The following ZYX variants were observed in gnomAD, a reference collection of about 807,000 sequenced individuals.
ZYX encodes the protein zyxin-2.
In ZYX, 37 loss-of-function variants were observed where a neutral mutation model predicts 58.1. That is an observed-to-expected ratio of 0.64 (90% CI 0.49 to 0.84). The LOEUF (loss-of-function observed/expected upper bound fraction) is 0.84, where lower values mean the gene tolerates loss of function less well. Among genes scored for constraint, ZYX ranks in the 40% least tolerant of loss-of-function variants. The probability of loss-of-function intolerance (pLI) is 0.00; values close to 1 mark genes in which losing one functional copy is unlikely to be tolerated. For synonymous variants in ZYX, 324 were observed against 321.1 expected (o/e 1.01, Z -0.10); for missense variants, 762 against 761.6 (o/e 1.00, Z -0.01).
intron 5 of ZYX, 76 bp downstream of exon 5, chr7:143,383,398 A>C (rs1045677899): frequency 1.3e-6 from 2 of 1,490,766 alleles, no homozygotes; most frequent in Non-Finnish European, 1.8e-6. Flanking sequence ...GAGCATAAGC[A>C]TAAGGTGATT....
intron 5 of ZYX, among the ~76,000 whole-genome samples, chr7:143,385,516 G>GTGTGCA (rs1804825426): frequency 6.6e-6 from 1 of 151,498 alleles, no homozygotes. Context: ...GAGTGAAGGT[G>GTGTGCA]TGTGCATGTG....
rs1249129431 is a variant in ZYX, at chr7:143,390,507, A to C, written c.1615-71A>C. The C allele has an allele frequency of 4.4e-6, 5 of 1,131,462 alleles. No homozygotes were observed. The Admixed American group carries it at 1.0e-4, about 23-fold the overall frequency. The allele number at this position is 1,131,462 out of a possible 1,614,324, so 70.1% of individuals were successfully genotyped here. On this transcript the variant is annotated intron_variant, in intron 9 of 9. Transcript: ENST00000322764. This position sits in a 1 kb window ranked among gnomAD's most constrained non-coding sequence, Gnocchi z 4.3. ...CTTTCTAATTCCAAGATGGAGCTGG[A>C]TGGGGTGGGGTAGGGTGGAGCAGAG...
chr7:143,389,029 C>A lies in ZYX; in HGVS notation c.1493+84C>A. 1.7e-5 allele frequency: 25 copies of A among 1,465,786 alleles called. No individual in the cohort carries two copies. The highest frequency in any genetic ancestry group is 2.2e-5 in the Non-Finnish European group (24 of 1,089,148). 90.8% of individuals were successfully genotyped at this position (1,465,786 alleles called of 1,614,324 possible). A position where few individuals can be genotyped will look rare whatever the true frequency, so the allele number is the denominator to read the frequency against. Reference sequence around the variant, plus strand: ...GCTTGCTACCCTAGCCTCAGGACAGCCCCAAACCCCTGGTGGTGTTTTCTG... The same window carrying A: ...GCTTGCTACCCTAGCCTCAGGACAGACCCAAACCCCTGGTGGTGTTTTCTG... On this transcript the variant is annotated intron_variant, in intron 8 of 9. Transcript: ENST00000322764. The surrounding 1 kb of genome is among the most constrained non-coding windows in gnomAD (Gnocchi z 5.6).
Position 143,388,194 on chromosome 7 carries a change from T to A in ZYX, c.1024-25T>A. 6.3e-7 allele frequency: 1 copy of A among 1,575,296 alleles called. No individual in the cohort carries two copies. The highest frequency in any genetic ancestry group is 8.6e-7 in the Non-Finnish European group (1 of 1,160,724). Reference sequence around the variant, plus strand: ...TCTTGGAGGCAGCAGCCCTCTAGAGTGTGAGGAAAATGTTGGGATTGCAGG... The same window carrying A: ...TCTTGGAGGCAGCAGCCCTCTAGAGAGTGAGGAAAATGTTGGGATTGCAGG... On this transcript the variant is annotated intron_variant, in intron 5 of 9. Coordinates refer to ENST00000322764, the MANE Select transcript of ZYX (RefSeq NM_003461.5). The surrounding 1 kb of genome is among the most constrained non-coding windows in gnomAD (Gnocchi z 7.5).
At chr7:143,381,823 G>A (rs1300511991) in intron 2 of ZYX, 44 bp downstream of exon 2, 8 of 1,473,960 alleles carry the variant, frequency 5.4e-6, no homozygotes, top group Non-Finnish European at 7.2e-6. Flanking sequence ...AGGAGCCGGG[G>A]TGGGGGGCAG....
chr7:143,382,467 G>A lies in ZYX; in HGVS notation c.408+20G>A, dbSNP rs371523052. The A allele has an allele frequency of 6.3e-6, 10 of 1,596,006 alleles. No individual in the cohort carries two copies. In the African/African-American group the frequency reaches 1.3e-4, roughly 21 times the overall value. On this transcript the variant is annotated intron_variant, in intron 3 of 9. Transcript: ENST00000322764. ...CCACAGGTACGGAGGCCTGGGAGGG[G>A]CGGCTGCACTGGACACCCCCAAGGA...
chr7:143,383,345 G>A (rs925321532), intron 5 of ZYX, 23 bp downstream of exon 5: 2 of 1,572,754 alleles, frequency 1.3e-6, no homozygotes, highest in Non-Finnish European at 1.7e-6. Context: ...GATAGGACAA[G>A]GCTTGGTACC....
intron 4 of ZYX, 23 bp from the exon 5 acceptor site, chr7:143,382,778 C>T (rs1193444841): frequency 2.5e-6 from 4 of 1,609,592 alleles, no homozygotes; most frequent in Admixed American, 3.3e-5. Flanking sequence ...CTGCATCTCT[C>T]TTCCCTCTCC....
rs576776702 is a variant in ZYX at position 143,390,705 on chromosome 7, C to A, written c.*23C>A. ...TGAGTGAGGACAGGCCCTCTTCAGA[C>A]CGCAGTCCATGCCCCATTGTGGACC... On this transcript the variant is annotated 3_prime_UTR_variant, in exon 10 of 10. Coordinates refer to ENST00000322764, the MANE Select transcript of ZYX (RefSeq NM_003461.5). This position sits in a 1 kb window ranked among gnomAD's most constrained non-coding sequence, Gnocchi z 4.3. The A allele has an allele frequency of 3.3e-6, 5 of 1,538,144 alleles. No homozygotes were observed. Among genetic ancestry groups the A allele is most frequent in the Non-Finnish European group, 4.4e-6 (5 of 1,133,000 alleles).
In ZYX at chr7:143,390,584, G is replaced by A. The variant is rs756852682; in HGVS notation, c.1621G>A (p.Gly541Arg). The A allele has an allele frequency of 1.6e-5, 25 of 1,565,782 alleles. 2 individuals carry two copies. Among genetic ancestry groups the A allele is most frequent in the Admixed American group, 7.6e-5 (4 of 52,500 alleles). The change falls in exon 10 of 10, where the codon GGG becomes AGG. Residue 541 changes from glycine (G) to arginine (R), a missense_variant. Transcript: ENST00000322764. This position sits in a 1 kb window ranked among gnomAD's most constrained non-coding sequence, Gnocchi z 4.3. ...HMKCYKCEDC[G>R]KPLSIEADDN... Reference sequence around the variant, plus strand: ...CACCCTTCCTTCTTCCCAGGACTGCGGGAAGCCCCTGTCGATTGAGGCAGA... The same window carrying A: ...CACCCTTCCTTCTTCCCAGGACTGCAGGAAGCCCCTGTCGATTGAGGCAGA...
Position 143,389,498 on chromosome 7 carries a change from G to A in ZYX, c.1494-359G>A, listed in dbSNP as rs1804993763. 6.6e-6 allele frequency among the ~76,000 whole-genome samples: 1 copy of A among 152,164 alleles called. No individual in the cohort carries two copies. Among genetic ancestry groups the A allele is most frequent in the African/African-American group, 2.4e-5 (1 of 41,454 alleles). On this transcript the variant is annotated intron_variant, in intron 8 of 9. Transcript: ENST00000322764. This position sits in a 1 kb window ranked among gnomAD's most constrained non-coding sequence, Gnocchi z 5.6. The stretch of plus-strand genomic sequence containing the variant: ...GGGCAGAGGCAACGTGCATGGGGGT[G>A]GGAGGATTGGGGGAAGGTGAGGGTC...
Position 143,381,577 on chromosome 7 carries a change from G to T in ZYX, c.6G>T (p.Ala2=), listed in dbSNP as rs1029736728. The change falls in exon 2 of 10, where the codon GCG becomes GCT. Residue 2 remains alanine (A), a synonymous_variant. Transcript: ENST00000322764. ...CCCAGCAGCCCGGCCCGGCCATGGCGGCCCCCCGCCCGTCTCCCGCGATCT... is the reference window on the plus strand; with the variant it reads ...CCCAGCAGCCCGGCCCGGCCATGGCTGCCCCCCGCCCGTCTCCCGCGATCT... M[A]APRPSPAISV... is the part of the protein sequence containing the mutation. 6.2e-7 allele frequency: 1 copy of T among 1,609,662 alleles called. No homozygotes were observed. Among genetic ancestry groups the T allele is most frequent in the Non-Finnish European group, 8.5e-7 (1 of 1,178,564 alleles).
rs550080985 is a variant in ZYX at position 143,388,030 on chromosome 7, CCT to C, written c.1024-188_1024-187del. 9.2e-4 allele frequency: 613 copies of C among 663,610 alleles called. 5 individuals carry two copies. The African/African-American group carries it at 9.4e-3, about 10-fold the overall frequency. The allele number at this position is 663,610 out of a possible 1,614,324, so 41.1% of individuals were successfully genotyped here. A position where few individuals can be genotyped will look rare whatever the true frequency, so the allele number is the denominator to read the frequency against. ...CGAGATCCAGGCTTAGGTCCCTTCC[CCT>C]GTTATTTGTGTGGTGCTGGGGATGG... is the stretch of plus-strand genomic sequence containing the variant. On this transcript the variant is annotated intron_variant, in intron 5 of 9. Coordinates refer to ENST00000322764, the MANE Select transcript of ZYX (RefSeq NM_003461.5). This position sits in a 1 kb window ranked among gnomAD's most constrained non-coding sequence, Gnocchi z 7.5.
intron 5 of ZYX, among the ~76,000 whole-genome samples, chr7:143,385,394 A>C (rs1350688999): frequency 1.3e-5 from 2 of 150,784 alleles, no homozygotes. Context: ...GGGTGTGGGT[A>C]TGGTGTATGT....
Position 143,388,134 on chromosome 7 carries a change from A to T in ZYX, c.1024-85A>T. On this transcript the variant is annotated intron_variant, in intron 5 of 9. Transcript: ENST00000322764. The surrounding 1 kb of genome is among the most constrained non-coding windows in gnomAD (Gnocchi z 7.5). ...GGACACGAGCTGGGAGCTAAGCCTCATCGGAAGAAGCCGGGTAGGCTGGCC... is the reference window on the plus strand; with the variant it reads ...GGACACGAGCTGGGAGCTAAGCCTCTTCGGAAGAAGCCGGGTAGGCTGGCC... 2 of 1,485,626 alleles carry T rather than the reference A, an allele frequency of 1.3e-6. No individual in the cohort carries two copies. Among genetic ancestry groups the T allele is most frequent in the Non-Finnish European group, 1.8e-6 (2 of 1,107,840 alleles). The allele number at this position is 1,485,626 out of a possible 1,614,324, so 92.0% of individuals were successfully genotyped here.
rs1177700693 is a variant in ZYX at position 143,381,553 on chromosome 7, C to T, written c.-15-4C>T. The T allele has an allele frequency of 1.2e-6, 2 of 1,605,778 alleles. No homozygotes were observed. The highest frequency in any genetic ancestry group is 1.7e-5 in the Admixed American group (1 of 59,584). ...GCGCTGCGTAACCCGGCGACCCACC[C>T]CAGCAGCCCGGCCCGGCCATGGCGG... On this transcript the variant is annotated splice_region_variant and splice_polypyrimidine_tract_variant and intron_variant, in intron 1 of 9. Coordinates refer to ENST00000322764, the MANE Select transcript of ZYX (RefSeq NM_003461.5).
rs1170286756 is a variant in ZYX, at chr7:143,383,282, A to G, written c.983A>G (p.Lys328Arg). The G allele has an allele frequency of 1.2e-6, 2 of 1,612,708 alleles. No individual in the cohort carries two copies. Among genetic ancestry groups the G allele is most frequent in the Admixed American group, 1.7e-5 (1 of 59,920 alleles). ...AGGGAGAAGCCCCGAGTGCAGGAGA[A>G]GCAGCACCCCGTGCCCCCACCGGCT... ...QQREKPRVQE[K>R]QHPVPPPAQN... Residue 328 changes from lysine to arginine, a missense_variant, in exon 5 of 10, where the codon AAG becomes AGG. Physicochemically the swap from Lys to Arg is conservative, Grantham distance 26 (BLOSUM62 2). Transcript: ENST00000322764.
At chr7:143,385,852 C>T (rs1804846024) in intron 5 of ZYX, among the ~76,000 whole-genome samples, 1 of 151,668 alleles carries the variant, frequency 6.6e-6, no homozygotes, top group South Asian at 2.1e-4. Context: ...ACCATGTTGG[C>T]TAGGCTGGTC....
rs1473276932 is a variant in ZYX, at chr7:143,381,384, A to T, written c.-41A>T. Reference sequence around the variant, plus strand: ...CCCGGCGCCGAGGCGGCCACCCGAGACGCGGCGCGCACGCTCCGGCCTGCG... The same window carrying T: ...CCCGGCGCCGAGGCGGCCACCCGAGTCGCGGCGCGCACGCTCCGGCCTGCG... On this transcript the variant is annotated 5_prime_UTR_variant, in exon 1 of 10. Coordinates refer to ENST00000322764, the MANE Select transcript of ZYX (RefSeq NM_003461.5). 10 of 1,179,430 alleles carry T rather than the reference A, an allele frequency of 8.5e-6. No individual in the cohort carries two copies. Among genetic ancestry groups the T allele is most frequent in the African/African-American group, 1.6e-5 (1 of 61,694 alleles). The allele number at this position is 1,179,430 out of a possible 1,614,324, so 73.1% of individuals were successfully genotyped here. A position where few individuals can be genotyped will look rare whatever the true frequency, so the allele number is the denominator to read the frequency against.
Sources: gnomAD v4.1 joint callset for allele counts (sites outside exome capture counted in the v4.1 genomes callset) on GRCh38, gnomAD v4.1.1 for gene constraint, Gnocchi (gnomAD v3.1) non-coding constraint, MANE v1.5 for transcripts, NCBI Gene and HGNC (gene_info 2026-07-23, HGNC 2026-07-21) for gene names.